Variants in STK33 observed in about 807,000 individuals in gnomAD.
STK33 encodes the protein serine/threonine-protein kinase 33.
Under a neutral mutation model 58.0 loss-of-function variants are expected in STK33, and 52 were observed. The ratio of observed to expected loss-of-function variants is 0.90; its 90% CI spans 0.72 to 1.13. STK33 has a LOEUF of 1.13. Among genes scored for constraint, STK33 ranks in the 50% most tolerant of loss-of-function variants. STK33 has a pLI of 0.00. For missense variants in STK33, 630 were observed against 604.2 expected (o/e 1.04, Z -0.45); for synonymous variants, 215 against 200.1 (o/e 1.07, Z -0.63).
At chr11:8,469,651 C>T (rs1405209092) in intron 6 of STK33, among the ~76,000 whole-genome samples, 2 of 152,216 alleles carry the variant, frequency 1.3e-5, no homozygotes, top group East Asian at 3.8e-4. Flanking sequence ...CCAGATCCAT[C>T]AGAGGAATCA....
chr11:8,356,498 G>A, the STK33 span, among the ~76,000 whole-genome samples: 1 of 152,194 alleles, frequency 6.6e-6, no homozygotes, highest in East Asian at 1.9e-4. Context: ...GGGAGAGGTG[G>A]GTGGGATGTC....
At chr11:8,509,522 A>T (rs1254336716) in intron 1 of STK33, among the ~76,000 whole-genome samples, 1 of 152,138 alleles carries the variant, frequency 6.6e-6, no homozygotes, top group African/African-American at 2.4e-5. Flanking sequence ...TACATTTTTT[A>T]TTTCAATAGT....
At chr11:8,505,552 G>A (rs368634960) in intron 1 of STK33, among the ~76,000 whole-genome samples, 3 of 152,080 alleles carry the variant, frequency 2.0e-5, no homozygotes, top group Admixed American at 2.0e-4. Context: ...TTCCAAGAAG[G>A]CTTCCCTAAC....
At chr11:8,451,294 C>CA in intron 11 of STK33, among the ~76,000 whole-genome samples, 1 of 152,248 alleles carries the variant, frequency 6.6e-6, no homozygotes, top group East Asian at 1.9e-4. Flanking sequence ...ATATTCATAG[C>CA]AGCATTATTC....
chr11:8,555,611 G>A (rs1421797291), intron 1 of STK33, among the ~76,000 whole-genome samples: 1 of 152,036 alleles, frequency 6.6e-6, no homozygotes, highest in African/African-American at 2.4e-5. Context: ...CTTGTGGGGA[G>A]CTGAGATTGA....
chr11:8,561,590 G>A (rs915093341), intron 1 of STK33, among the ~76,000 whole-genome samples: 2 of 151,872 alleles, frequency 1.3e-5, no homozygotes, highest in African/African-American at 4.8e-5. Flanking sequence ...AATCTCTGGT[G>A]GTCTTTTCCC....
chr11:8,535,130 C>T (rs1315038433), intron 1 of STK33, among the ~76,000 whole-genome samples: 7 of 152,122 alleles, frequency 4.6e-5, no homozygotes, highest in African/African-American at 1.7e-4. Context: ...TGGGTATGAA[C>T]GTGTCACCAC....
At chr11:8,581,558 C>G (rs2030268120) in intron 1 of STK33, among the ~76,000 whole-genome samples, 1 of 152,128 alleles carries the variant, frequency 6.6e-6, no homozygotes, top group African/African-American at 2.4e-5. Context: ...CCAGAAAAGA[C>G]TTAGGAAAAG....
intron 6 of STK33, among the ~76,000 whole-genome samples, chr11:8,470,248 T>C (rs1196471206): frequency 6.6e-6 from 1 of 152,268 alleles, no homozygotes; most frequent in Non-Finnish European, 1.5e-5. Context: ...CATCAGCACT[T>C]GCTGCTTCCA....
the STK33 span, among the ~76,000 whole-genome samples, chr11:8,345,494 T>A: frequency 1.3e-5 from 2 of 152,262 alleles, no homozygotes; most frequent in African/African-American, 4.8e-5. Flanking sequence ...CACACGGATC[T>A]TCACGGAGCT....
intron 1 of STK33, among the ~76,000 whole-genome samples, chr11:8,494,427 GC>G (rs1950886464): frequency 6.6e-6 from 1 of 152,134 alleles, no homozygotes; most frequent in African/African-American, 2.4e-5. Flanking sequence ...ACAAACCACT[GC>G]TCAACGAAAT....
At chr11:8,425,780 T>C (rs1449739533) in intron 14 of STK33, among the ~76,000 whole-genome samples, 1 of 152,302 alleles carries the variant, frequency 6.6e-6, no homozygotes, top group Non-Finnish European at 1.5e-5. Flanking sequence ...GTTTCTCCTA[T>C]CTAAGCCTGT....
chr11:8,451,882 CTGTT>C (rs146571765), intron 11 of STK33, among the ~76,000 whole-genome samples: 9,182 of 152,128 alleles, frequency 0.06, 507 homozygotes, highest in African/African-American at 0.16. Context: ...CCATGAAAAA[CTGTT>C]TGATGGCGAT....
intron 1 of STK33, among the ~76,000 whole-genome samples, chr11:8,544,513 A>T (rs1955767565): frequency 6.6e-6 from 1 of 151,572 alleles, no homozygotes; most frequent in Non-Finnish European, 1.5e-5. Flanking sequence ...TAAATTTTTC[A>T]ACTGTTTTAC....
At chr11:8,415,639 C>A (rs6650173) in intron 14 of STK33, among the ~76,000 whole-genome samples, 3 of 152,020 alleles carry the variant, frequency 2.0e-5, no homozygotes, top group Non-Finnish European at 4.4e-5. Flanking sequence ...TGTCATCACC[C>A]AAGCATAATC....
At position 8,392,112 on chromosome 11, in the gene STK33, T is replaced by TTATTTGGCACCTCCATTACTA. The variant is rs1848661655; in HGVS notation, c.*377_*397dup. 1 of 195,516 alleles carries TTATTTGGCACCTCCATTACTA rather than the reference T, an allele frequency of 5.1e-6. No individual in the cohort carries two copies. The highest frequency in any genetic ancestry group is 2.3e-5 in the African/African-American group (1 of 42,578). The allele number at this position is 195,516 out of a possible 1,614,324, so 12.1% of individuals were successfully genotyped here. A position where few individuals can be genotyped will look rare whatever the true frequency, so the allele number is the denominator to read the frequency against. ...GTCTTCTAGTGCAAAGTGCACATAA[T>TTATTTGGCACCTCCATTACTA]TATTTGGCACCTCCATTACTATATT... On this transcript the variant is annotated 3_prime_UTR_variant, in exon 16 of 16. Transcript: ENST00000687296.
intron 1 of STK33, among the ~76,000 whole-genome samples, chr11:8,583,528 T>C (rs1234344214): frequency 6.6e-6 from 1 of 151,922 alleles, no homozygotes; most frequent in Admixed American, 6.6e-5. Context: ...TCAAAGACAA[T>C]GATAAGAAAG....
chr11:8,416,476 T>C (rs1941142299), intron 14 of STK33, among the ~76,000 whole-genome samples: 1 of 152,198 alleles, frequency 6.6e-6, no homozygotes, highest in African/African-American at 2.4e-5. Context: ...ATTAAGATTT[T>C]GACAAAAAGG....
intron 11 of STK33, among the ~76,000 whole-genome samples, chr11:8,446,401 T>C (rs1175414408): frequency 6.6e-6 from 1 of 152,220 alleles, no homozygotes; most frequent in Non-Finnish European, 1.5e-5. Context: ...ATCTTAGTTA[T>C]TTCTTGTCTT....
Sources: allele counts gnomAD v4.1 joint callset (sites outside exome capture counted in the v4.1 genomes callset), GRCh38; gene constraint gnomAD v4.1.1; transcripts MANE v1.5; gene names NCBI Gene and HGNC (gene_info 2026-07-23, HGNC 2026-07-21).